MCC: variants seen among roughly 807,000 people sequenced by gnomAD.
MCC encodes colorectal mutant cancer protein.
A neutral mutation model predicts 116.2 loss-of-function variants in MCC; 90 were observed. The ratio of observed to expected loss-of-function variants is 0.77; its 90% confidence interval spans 0.65 to 0.92. The LOEUF is 0.92. MCC is among the 40% of genes least tolerant of loss of function. The pLI, the probability that MCC is intolerant of heterozygous loss-of-function variation, is 0.00. For synonymous variants in MCC, 578 were observed against 510.5 expected (o/e 1.13, Z -1.78); for missense variants, 1,516 against 1,312.2 (o/e 1.16, Z -2.40).
intron 3 of MCC, among the ~76,000 whole-genome samples, chr5:113,219,346 C>T (rs914846515): frequency 2.6e-5 from 4 of 152,144 alleles, no homozygotes; most frequent in African/African-American, 9.7e-5. Context: ...TCCTGGGGGG[C>T]CCTGAACTCC....
At chr5:113,411,760 A>T (rs886343103) in intron 1 of MCC, among the ~76,000 whole-genome samples, 18 of 152,170 alleles carry the variant, frequency 1.2e-4, no homozygotes, top group African/African-American at 4.3e-4. Context: ...TGCTGTGCAG[A>T]AGCTCTTTAG....
At chr5:113,383,671 A>G (rs1168655102) in intron 2 of MCC, among the ~76,000 whole-genome samples, 2 of 152,034 alleles carry the variant, frequency 1.3e-5, no homozygotes, top group African/African-American at 2.4e-5. Context: ...TAATGAACAT[A>G]TATTACTTGA....
intron 1 of MCC, among the ~76,000 whole-genome samples, chr5:113,409,995 T>C (rs561518309): frequency 1.3e-5 from 2 of 152,354 alleles, no homozygotes; most frequent in South Asian, 4.1e-4. Context: ...GAAATATCTA[T>C]ATATTGATAG....
At chr5:113,106,471 C>T (rs1756738988) in intron 6 of MCC, among the ~76,000 whole-genome samples, 1 of 152,148 alleles carries the variant, frequency 6.6e-6, no homozygotes, top group Admixed American at 6.5e-5. Context: ...AAACTCCTGT[C>T]TGCTCCACAG....
intron 17 of MCC, among the ~76,000 whole-genome samples, chr5:113,033,994 C>G (rs570673372): frequency 4.6e-5 from 7 of 152,308 alleles, no homozygotes; most frequent in African/African-American, 1.7e-4. Context: ...TCAAGCAATC[C>G]CCTCACCTCA....
chr5:113,144,777 T>G (rs954639591), intron 4 of MCC, among the ~76,000 whole-genome samples: 2 of 152,248 alleles, frequency 1.3e-5, no homozygotes, highest in Non-Finnish European at 2.9e-5. Context: ...AACAAGGTTG[T>G]TGAATGCTTT....
At position 113,488,351 on chromosome 5, in the gene MCC, T is replaced by TGCC. The variant is rs35336557; in HGVS notation, c.61_63dup (p.Gly21dup). On this transcript the variant is annotated inframe_insertion, in exon 1 of 19. Transcript: ENST00000408903. Reference sequence around the variant, plus strand: ...TCGCTGCTGCTGCTGCTGCTGCCGCTGCCGCCGCCGCCGCCGCCGCTGCTG... The same window carrying TGCC: ...TCGCTGCTGCTGCTGCTGCTGCCGCTGCCGCCGCCGCCGCCGCCGCCGCTGCTG... The TGCC allele has an allele frequency of 0.38, 549,594 of 1,438,108 alleles. 101,576 individuals are homozygous for TGCC. Among genetic ancestry groups the TGCC allele is most frequent in the East Asian group, 0.6 (19,465 of 32,214 alleles). 89.1% of individuals were successfully genotyped at this position (1,438,108 alleles called of 1,614,324 possible). A position where few individuals can be genotyped will look rare whatever the true frequency, so the allele number is the denominator to read the frequency against.
intron 2 of MCC, among the ~76,000 whole-genome samples, chr5:113,363,763 A>C (rs1489485308): frequency 2.0e-5 from 3 of 152,184 alleles, no homozygotes; most frequent in Non-Finnish European, 4.4e-5. Flanking sequence ...ATAGTCCCCG[A>C]AAGTCTTATT....
chr5:113,024,964 T>C lies in MCC; in HGVS notation c.*2338A>G, dbSNP rs1750427509. The C allele has an allele frequency of 6.6e-6, 1 of 152,114 alleles. No homozygotes were observed. The highest frequency in any genetic ancestry group is 1.5e-5 in the Non-Finnish European group (1 of 68,026). 9.4% of individuals were successfully genotyped at this position (152,114 alleles called of 1,614,324 possible). ...TGAAAGTACTAAAACTAAGGTCAGG[T>C]AGCATGAGTAAAACTGGGGCCCTTA... On this transcript the variant is annotated 3_prime_UTR_variant, in exon 19 of 19. Coordinates refer to ENST00000408903, the MANE Select transcript of MCC (RefSeq NM_001085377.2).
intron 3 of MCC, among the ~76,000 whole-genome samples, chr5:113,208,583 A>G (rs1763002379): frequency 6.6e-6 from 1 of 152,074 alleles, no homozygotes; most frequent in African/African-American, 2.4e-5. Context: ...CTGAAATGTG[A>G]GGTGAAGAAA....
At chr5:113,204,933 T>G (rs1268906934) in intron 3 of MCC, among the ~76,000 whole-genome samples, 1 of 152,156 alleles carries the variant, frequency 6.6e-6, no homozygotes, top group African/African-American at 2.4e-5. Context: ...TAATGAAAAG[T>G]GGAACCCTGC....
chr5:113,170,153 A>G (rs1760997208), intron 3 of MCC, among the ~76,000 whole-genome samples: 2 of 152,200 alleles, frequency 1.3e-5, no homozygotes, highest in Admixed American at 6.5e-5. Flanking sequence ...GTCTTCATAG[A>G]AAGAAGCTTG....
At chr5:113,219,256 T>C (rs563853639) in intron 3 of MCC, among the ~76,000 whole-genome samples, 1 of 152,328 alleles carries the variant, frequency 6.6e-6, no homozygotes, top group African/African-American at 2.4e-5. Context: ...TTGGAAGCTA[T>C]TGTTTGGGAG....
chr5:113,037,051 G>A (rs1027886533), intron 17 of MCC, among the ~76,000 whole-genome samples: 6 of 152,202 alleles, frequency 3.9e-5, no homozygotes, highest in African/African-American at 1.4e-4. Context: ...AAATAAAACA[G>A]CACCTTTTAC....
At chr5:113,442,739 C>T (rs1771079199) in intron 1 of MCC, among the ~76,000 whole-genome samples, 1 of 152,180 alleles carries the variant, frequency 6.6e-6, no homozygotes, top group African/African-American at 2.4e-5. Flanking sequence ...TTCCCAGCAC[C>T]ATTTATCAAA....
chr5:113,318,779 C>A (rs1767349056), intron 3 of MCC, among the ~76,000 whole-genome samples: 1 of 152,130 alleles, frequency 6.6e-6, no homozygotes, highest in South Asian at 2.1e-4. Context: ...AGTGCCATGA[C>A]ACAAGTTTGC....
chr5:113,214,248 C>T (rs1763231731), intron 3 of MCC, among the ~76,000 whole-genome samples: 1 of 152,176 alleles, frequency 6.6e-6, no homozygotes, highest in South Asian at 2.1e-4. Flanking sequence ...CAAAGAACGA[C>T]GGAGCTGAGA....
intron 15 of MCC, 88 bp from the exon 16 acceptor site, chr5:113,049,387 CG>C (rs1752342083): frequency 9.1e-7 from 1 of 1,100,596 alleles, no homozygotes; most frequent in Non-Finnish European, 1.3e-6. Context: ...GGGGGGTCCC[CG>C]GCTATGACCC....
At chr5:113,254,320 A>G (rs1265928451) in intron 3 of MCC, among the ~76,000 whole-genome samples, 1 of 152,236 alleles carries the variant, frequency 6.6e-6, no homozygotes, top group Non-Finnish European at 1.5e-5. Context: ...GGAAAATTAA[A>G]AATATGTCTA....
Sources: gnomAD v4.1 joint callset for allele counts (sites outside exome capture counted in the v4.1 genomes callset) on GRCh38, gnomAD v4.1.1 for gene constraint, MANE v1.5 for transcripts, NCBI Gene and HGNC (gene_info 2026-07-23, HGNC 2026-07-21) for gene names.